KCNJ16: variants seen among roughly 807,000 people sequenced by gnomAD.
KCNJ16 encodes the protein inward rectifier potassium channel 16.
A neutral mutation model predicts 18.5 loss-of-function variants in KCNJ16; 15 were observed. That is an observed-to-expected ratio of 0.81 (90% CI 0.54 to 1.25). The LOEUF (loss-of-function observed/expected upper bound fraction) is 1.25, where lower values mean the gene tolerates loss of function less well. KCNJ16 is among the 50% of genes most tolerant of loss of function. The pLI, the probability that KCNJ16 is intolerant of heterozygous loss-of-function variation, is 0.00. For synonymous variants in KCNJ16, 174 were observed against 186.5 expected, an observed-to-expected ratio of 0.93 and a Z score of 0.55; for missense variants, 523 against 525.7, an observed-to-expected ratio of 0.99 and a Z score of 0.05.
Position 70,134,800 on chromosome 17 carries a change from ATCTT to A in KCNJ16, c.*1464_*1467del, listed in dbSNP as rs1325693431. 6.0e-6 allele frequency: 1 copy of A among 167,026 alleles called. No homozygotes were observed. Among genetic ancestry groups the A allele is most frequent in the African/African-American group, 2.4e-5 (1 of 41,438 alleles). The allele number at this position is 167,026 out of a possible 1,614,324, so 10.3% of individuals were successfully genotyped here. On this transcript the variant is annotated 3_prime_UTR_variant, in exon 4 of 4. Coordinates refer to ENST00000392671, the MANE Select transcript of KCNJ16 (RefSeq NM_170741.4). Reference sequence around the variant, plus strand: ...ACACAGTTTTTGCTTTTTCTGGAAAATCTTTCTTTCTCTTCTCTCTCCATGAAAA... The same window carrying A: ...ACACAGTTTTTGCTTTTTCTGGAAAATCTTTCTCTTCTCTCTCCATGAAAA...
intron 2 of KCNJ16, among the ~76,000 whole-genome samples, chr17:70,127,470 G>A (rs1392509833): frequency 6.6e-6 from 1 of 151,324 alleles, no homozygotes; most frequent in Non-Finnish European, 1.5e-5. Context: ...AGGTTTTTGA[G>A]CAAAATAGCC....
intron 1 of KCNJ16, among the ~76,000 whole-genome samples, chr17:70,100,417 G>A (rs957181114): frequency 1.3e-5 from 2 of 152,026 alleles, no homozygotes; most frequent in African/African-American, 2.4e-5. Flanking sequence ...TTCTCTGCCC[G>A]TGTCTTCAGT....
At chr17:70,112,774 T>C (rs891185953) in intron 2 of KCNJ16, among the ~76,000 whole-genome samples, 1 of 152,196 alleles carries the variant, frequency 6.6e-6, no homozygotes, top group Admixed American at 6.6e-5. Context: ...TAATATTTAA[T>C]TAAATCAGTA....
intron 3 of KCNJ16, 55 bp from the exon 4 acceptor site, chr17:70,131,940 A>G (rs1478133702): frequency 6.7e-7 from 1 of 1,486,830 alleles, no homozygotes; most frequent in African/African-American, 1.4e-5. Flanking sequence ...GCAAATTGCT[A>G]TAAAGATGGA....
At chr17:70,077,007 G>T (rs968232) in intron 1 of KCNJ16, among the ~76,000 whole-genome samples, 130,100 of 152,172 alleles carry the variant, frequency 0.85, 55,732 homozygotes, top group East Asian at 0.99. Flanking sequence ...CACTAAGGGG[G>T]TGATATTTAG....
At chr17:70,123,477 C>G (rs898143606) in intron 2 of KCNJ16, among the ~76,000 whole-genome samples, 1 of 152,100 alleles carries the variant, frequency 6.6e-6, no homozygotes, top group Non-Finnish European at 1.5e-5. Flanking sequence ...CTCTCCCAGA[C>G]TAGATAAGGC....
intron 1 of KCNJ16, among the ~76,000 whole-genome samples, chr17:70,087,787 T>C (rs1052984112): frequency 6.6e-6 from 1 of 152,074 alleles, no homozygotes; most frequent in Non-Finnish European, 1.5e-5. Flanking sequence ...ATGTTGTTTG[T>C]TATTTTCATG....
At chr17:70,104,090 A>G (rs1253353865) in intron 2 of KCNJ16, among the ~76,000 whole-genome samples, 3 of 151,748 alleles carry the variant, frequency 2.0e-5, no homozygotes, top group African/African-American at 7.3e-5. Flanking sequence ...AGCATCCCAG[A>G]TAGCTGGGAC....
intron 2 of KCNJ16, among the ~76,000 whole-genome samples, chr17:70,117,222 G>T (rs376517470): frequency 6.6e-6 from 1 of 152,146 alleles, no homozygotes; most frequent in Non-Finnish European, 1.5e-5. Flanking sequence ...AATACTGCAT[G>T]TTCTCACTTA....
At position 70,135,329 on chromosome 17, in the gene KCNJ16, T is replaced by C. The variant is rs979181845; in HGVS notation, c.*1985T>C. ...AAAACACTTAAAAATATTTTTAGCT[T>C]GTTTTACCTACATCTAGTTTCATTT... On this transcript the variant is annotated 3_prime_UTR_variant, in exon 4 of 4. Transcript: ENST00000392671. The C allele has an allele frequency of 6.0e-6, 1 of 167,064 alleles. No individual in the cohort carries two copies. The highest frequency in any genetic ancestry group is 2.4e-5 in the African/African-American group (1 of 41,454). 10.3% of individuals were successfully genotyped at this position (167,064 alleles called of 1,614,324 possible).
At chr17:70,107,804 G>T (rs1320898069) in intron 2 of KCNJ16, among the ~76,000 whole-genome samples, 3 of 152,022 alleles carry the variant, frequency 2.0e-5, no homozygotes, top group Non-Finnish European at 4.4e-5. Context: ...CATAAAATTG[G>T]AGTGCTATTT....
intron 1 of KCNJ16, among the ~76,000 whole-genome samples, chr17:70,083,353 G>GTGTTA (rs2071639293): frequency 6.7e-6 from 1 of 149,736 alleles, no homozygotes; most frequent in Admixed American, 6.7e-5. Context: ...CCTGTATTGT[G>GTGTTA]TGTATGTATG....
chr17:70,132,371 T>C lies in KCNJ16; in HGVS notation c.284T>C (p.Ile95Thr). ...WLIFGSVFWLIAFHHGDLLND... is the reference protein window; with the variant it reads ...WLIFGSVFWLTAFHHGDLLND... Reference sequence around the variant, plus strand: ...ATATTTGGCTCTGTCTTTTGGCTCATAGCCTTTCATCATGGCGATCTATTA... The same window carrying C: ...ATATTTGGCTCTGTCTTTTGGCTCACAGCCTTTCATCATGGCGATCTATTA... Residue 95 changes from isoleucine (I) to threonine (T), a missense_variant, in exon 4 of 4, where the codon ATA (isoleucine) becomes ACA (threonine). Ile to Thr is a moderately conservative substitution (Grantham distance 89). Transcript: ENST00000392671. 1 of 1,614,232 alleles carries C rather than the reference T, an allele frequency of 6.2e-7. No homozygotes were observed. The highest frequency in any genetic ancestry group is 8.5e-7 in the Non-Finnish European group (1 of 1,180,044).
chr17:70,113,663 C>T (rs2073281358), intron 2 of KCNJ16, among the ~76,000 whole-genome samples: 1 of 152,096 alleles, frequency 6.6e-6, no homozygotes, highest in Non-Finnish European at 1.5e-5. Flanking sequence ...CTGAGAAATA[C>T]TGGGAAAGTA....
intron 1 of KCNJ16, among the ~76,000 whole-genome samples, chr17:70,092,182 A>G (rs1039431749): frequency 3.3e-5 from 5 of 152,188 alleles, no homozygotes; most frequent in Admixed American, 6.5e-5. Flanking sequence ...GACTCAAATC[A>G]CATCTTTTAC....
intron 1 of KCNJ16, among the ~76,000 whole-genome samples, chr17:70,077,708 T>C (rs1213313787): frequency 2.0e-5 from 3 of 151,982 alleles, no homozygotes; most frequent in African/African-American, 7.2e-5. Flanking sequence ...TTTTCTTGCA[T>C]TTTAGTGAGT....
rs115867845 is a variant in KCNJ16 at position 70,080,802 on chromosome 17, T to C, written c.-300+5412T>C. On this transcript the variant is annotated intron_variant, in intron 1 of 3. Transcript: ENST00000392671. ...TGGGTAATTCAGGACATTCTGTCTC[T>C]ACTTCGGGAAAATAATCTAAAGTAA... 9.2e-3 allele frequency among the ~76,000 whole-genome samples: 1,404 copies of C among 152,306 alleles called. 22 individuals carry two copies. The highest frequency in any genetic ancestry group is 0.032 in the African/African-American group (1,312 of 41,558).
At chr17:70,122,634 C>G (rs887410913) in intron 2 of KCNJ16, among the ~76,000 whole-genome samples, 2 of 152,092 alleles carry the variant, frequency 1.3e-5, no homozygotes, top group East Asian at 3.8e-4. Context: ...TAAGAAGATA[C>G]AATCTGATTT....
intron 3 of KCNJ16, 108 bp downstream of exon 3, chr17:70,131,083 C>A: frequency 8.4e-7 from 1 of 1,184,988 alleles, no homozygotes. Context: ...ACTGAAAAGC[C>A]GGAGAGAAGG....
Sources: allele counts gnomAD v4.1 joint callset (sites outside exome capture counted in the v4.1 genomes callset), GRCh38; gene constraint gnomAD v4.1.1; transcripts MANE v1.5; gene names NCBI Gene and HGNC (gene_info 2026-07-23, HGNC 2026-07-21).